OR1M1: variants seen among roughly 807,000 people sequenced by gnomAD.
OR1M1 encodes the protein olfactory receptor 1M1.
For missense variants in OR1M1, 397 were observed against 401.8 expected (o/e 0.99, Z 0.10); for synonymous variants, 157 against 165.5 (o/e 0.95, Z 0.39).
intron 1 of OR1M1, among the ~76,000 whole-genome samples, chr19:9,089,396 G>A (rs1039922611): frequency 6.8e-6 from 1 of 147,702 alleles, no homozygotes; most frequent in African/African-American, 2.5e-5. Context: ...TGGCTGAATA[G>A]TTTTCCATTG....
At chr19:9,089,173 C>G (rs1413070883) in intron 1 of OR1M1, among the ~76,000 whole-genome samples, 1 of 152,244 alleles carries the variant, frequency 6.6e-6, no homozygotes, top group African/African-American at 2.4e-5. Flanking sequence ...TATGCTGTAA[C>G]AAATCTCTTC....
chr19:9,088,581 G>A (rs549377467), intron 1 of OR1M1, among the ~76,000 whole-genome samples: 1 of 152,140 alleles, frequency 6.6e-6, no homozygotes, highest in East Asian at 1.9e-4. Context: ...TGGCTTCCTT[G>A]AGATGGAAAA....
Position 9,093,919 on chromosome 19 carries a change from C to A in OR1M1, c.675C>A (p.Ile225=), listed in dbSNP as rs1487297243. Residue 225 remains isoleucine (I), a synonymous_variant, in exon 2 of 2, where the codon ATC becomes ATA. Transcript: ENST00000641627. ...LASYARILVA[I]MKVPSAGGRK... ...CCTATGCTCGCATCCTTGTGGCCAT[C>A]ATGAAGGTCCCCTCTGCAGGCGGCA... The A allele has an allele frequency of 6.2e-7, 1 of 1,614,174 alleles. No homozygotes were observed.
Position 9,093,342 on chromosome 19 carries a change from G to C in OR1M1, c.98G>C (p.Cys33Ser), listed in dbSNP as rs761967975. ...ACGCTTCTCTTTTCCCTGTTCTTCTGCATGTACCTGGTCATGGTCGTGGGG... is the reference window on the plus strand; with the variant it reads ...ACGCTTCTCTTTTCCCTGTTCTTCTCCATGTACCTGGTCATGGTCGTGGGG... Reference protein sequence around the residue: ...QETLLFSLFFCMYLVMVVGNL... With the variant: ...QETLLFSLFFSMYLVMVVGNL... Residue 33 changes from cysteine to serine, a missense_variant, in exon 2 of 2, where the codon TGC becomes TCC. Coordinates refer to ENST00000641627, the MANE Select transcript of OR1M1 (RefSeq NM_001004456.2). 6.2e-7 allele frequency: 1 copy of C among 1,613,756 alleles called. No homozygotes were observed. The highest frequency in any genetic ancestry group is 1.6e-4 in the Middle Eastern group (1 of 6,062).
intron 1 of OR1M1, among the ~76,000 whole-genome samples, chr19:9,088,105 G>A (rs1030227812): frequency 1.3e-5 from 2 of 151,620 alleles, no homozygotes; most frequent in African/African-American, 4.8e-5. Context: ...TGGCCACGCT[G>A]GTCTCCAACT....
chr19:9,091,998 T>C (rs2050295485), intron 1 of OR1M1, among the ~76,000 whole-genome samples: 1 of 146,920 alleles, frequency 6.8e-6, no homozygotes, highest in African/African-American at 2.5e-5. Context: ...CAACCTCTGC[T>C]CCAAGGGTCA....
chr19:9,093,075 T>TACACACACACACACAC (rs201641284), intron 1 of OR1M1, 157 bp from the exon 2 acceptor site: 2 of 459,850 alleles, frequency 4.3e-6, no homozygotes, highest in African/African-American at 5.4e-5. Flanking sequence ...ATATATTCTA[T>TACACACACACACACAC]ATATACACAC....
chr19:9,093,196 T>G (rs957107580), intron 1 of OR1M1, 36 bp from the exon 2 acceptor site: 1 of 1,366,580 alleles, frequency 7.3e-7, no homozygotes, highest in Non-Finnish European at 1.0e-6. Flanking sequence ...ACCATCTCCC[T>G]GTCATTCCTA....
chr19:9,087,708 C>T lies in OR1M1; in HGVS notation c.-14+551C>T, dbSNP rs138613121. 2.5e-3 allele frequency among the ~76,000 whole-genome samples: 378 copies of T among 152,156 alleles called. 2 individuals carry two copies. Among genetic ancestry groups the T allele is most frequent in the African/African-American group, 8.5e-3 (353 of 41,532 alleles). ...TCAGGTGATCACCCGCCTCAGCCTC[C>T]GAAAGTACTGGAATTCACTGTGCTC... On this transcript the variant is annotated intron_variant, in intron 1 of 1. Transcript: ENST00000641627.
In OR1M1 at chr19:9,094,340, G is replaced by C; in HGVS notation, c.*154G>C. The C allele has an allele frequency of 1.7e-6, 1 of 572,936 alleles. No individual in the cohort carries two copies. The highest frequency in any genetic ancestry group is 2.9e-5 in the East Asian group (1 of 34,874). The allele number at this position is 572,936 out of a possible 1,614,324, so 35.5% of individuals were successfully genotyped here. A position where few individuals can be genotyped will look rare whatever the true frequency, so the allele number is the denominator to read the frequency against. On this transcript the variant is annotated 3_prime_UTR_variant, in exon 2 of 2. Coordinates refer to ENST00000641627, the MANE Select transcript of OR1M1 (RefSeq NM_001004456.2). ...GGGGTCTCACTATGTTGCCCGTGCT[G>C]GAGTGCAGTGGCGTGATCATAGATC... is the stretch of plus-strand genomic sequence containing the variant.
chr19:9,091,098 C>T (rs2050290426), intron 1 of OR1M1, among the ~76,000 whole-genome samples: 1 of 151,856 alleles, frequency 6.6e-6, no homozygotes, highest in African/African-American at 2.4e-5. Context: ...ACCTGGGAGG[C>T]GGAGCTTGCA....
Position 9,093,742 on chromosome 19 carries a change from C to T in OR1M1, c.498C>T (p.Leu166=), listed in dbSNP as rs760479348. ...SLTHILLMAR[L]VFCGSHEVPH... ...CTCACATCCTCCTGATGGCCCGTCT[C>T]GTTTTCTGCGGCAGCCATGAGGTGC... is the stretch of plus-strand genomic sequence containing the variant. Residue 166 remains leucine (L), a synonymous_variant, in exon 2 of 2, where the codon CTC becomes CTT. Transcript: ENST00000641627. The T allele has an allele frequency of 2.0e-5, 32 of 1,613,914 alleles. No homozygotes were observed. Among genetic ancestry groups the T allele is most frequent in the Admixed American group, 3.3e-5 (2 of 59,986 alleles).
Position 9,093,468 on chromosome 19 carries a change from C to A in OR1M1, c.224C>A (p.Thr75Asn). The change falls in exon 2 of 2, where the codon ACC becomes AAC. Residue 75 changes from threonine (T) to asparagine (N), a missense_variant. By Grantham distance (65) the Thr-to-Asn change is moderately conservative. Coordinates refer to ENST00000641627, the MANE Select transcript of OR1M1 (RefSeq NM_001004456.2). ...NLSLVDFCLA[T>N]NTIPKMLVSL... ...TCCCTGGTTGATTTCTGTCTGGCCA[C>A]CAACACCATCCCTAAGATGCTGGTG... The A allele has an allele frequency of 6.2e-7, 1 of 1,614,114 alleles. No individual in the cohort carries two copies. Among genetic ancestry groups the A allele is most frequent in the Non-Finnish European group, 8.5e-7 (1 of 1,180,024 alleles).
At chr19:9,091,635 G>A (rs2145904032) in intron 1 of OR1M1, among the ~76,000 whole-genome samples, 1 of 151,772 alleles carries the variant, frequency 6.6e-6, no homozygotes, top group South Asian at 2.1e-4. Flanking sequence ...CTCCAGCCTA[G>A]GCAACAGAGC....
rs1476825555 is a variant in OR1M1, at chr19:9,093,406, C to T, written c.162C>T (p.His54=). Reference sequence around the variant, plus strand: ...TCCTGGCCATCAGCATAGACTCCCACCTCCACACCCCCATGTACTTCTTCC... The same window carrying T: ...TCCTGGCCATCAGCATAGACTCCCATCTCCACACCCCCATGTACTTCTTCC... The part of the protein sequence containing the change: ...LIILAISIDS[H]LHTPMYFFLA... The change falls in exon 2 of 2, where the codon CAC becomes CAT. Residue 54 remains histidine, a synonymous_variant. Coordinates refer to ENST00000641627, the MANE Select transcript of OR1M1 (RefSeq NM_001004456.2). 2 of 1,614,004 alleles carry T rather than the reference C, an allele frequency of 1.2e-6. No individual in the cohort carries two copies. Among genetic ancestry groups the T allele is most frequent in the Non-Finnish European group, 8.5e-7 (1 of 1,180,006 alleles).
intron 1 of OR1M1, 165 bp from the exon 2 acceptor site, chr19:9,093,067 A>G (rs2050302399): frequency 4.5e-6 from 2 of 447,968 alleles, no homozygotes; most frequent in Admixed American, 8.2e-5. Context: ...ACACACATAT[A>G]TATTCTATAT....
At chr19:9,090,580 A>G (rs988285580) in intron 1 of OR1M1, among the ~76,000 whole-genome samples, 3 of 151,912 alleles carry the variant, frequency 2.0e-5, no homozygotes, top group African/African-American at 7.2e-5. Flanking sequence ...GTTTACAGGC[A>G]TGCGCCACCA....
At chr19:9,088,065 A>C (rs1055312776) in intron 1 of OR1M1, among the ~76,000 whole-genome samples, 2 of 151,588 alleles carry the variant, frequency 1.3e-5, no homozygotes, top group Non-Finnish European at 2.9e-5. Flanking sequence ...TAATTTTTGT[A>C]TTTTTAGTGG....
At chr19:9,090,468 T>C (rs1302951538) in intron 1 of OR1M1, among the ~76,000 whole-genome samples, 2 of 152,212 alleles carry the variant, frequency 1.3e-5, no homozygotes, top group Non-Finnish European at 2.9e-5. Context: ...CAGGATTGTT[T>C]CTTTTTTTTG....
Sources: allele counts gnomAD v4.1 joint callset (sites outside exome capture counted in the v4.1 genomes callset), GRCh38; gene constraint gnomAD v4.1.1; transcripts MANE v1.5; gene names NCBI Gene and HGNC (gene_info 2026-07-23, HGNC 2026-07-21).